Variants in HUWE1 observed in about 807,000 individuals in gnomAD.
HUWE1 encodes the protein E3 ubiquitin-protein ligase HUWE1.
Under a neutral mutation model 299.4 loss-of-function variants are expected in HUWE1, and 18 were observed. That is an observed-to-expected ratio of 0.06 (90% confidence interval 0.04 to 0.09). The LOEUF is 0.09. Among genes scored for constraint, HUWE1 ranks in the 10% least tolerant of loss-of-function variants. HUWE1 has a pLI of 1.00. For synonymous variants in HUWE1, 1,317 were observed against 1,286.1 expected, an observed-to-expected ratio of 1.02 and a Z score of -0.51; for missense variants, 1,832 against 3,462.3, an observed-to-expected ratio of 0.53 and a Z score of 11.82.
rs1006214267 is a variant in HUWE1 at position 53,632,167 on chromosome X, G to A, written c.645+320C>T. The A allele has an allele frequency of 5.1e-4, 170 of 335,887 alleles. 1 individual carries two copies. Among genetic ancestry groups the A allele is most frequent in the South Asian group, 2.0e-4 (6 of 29,299 alleles). The allele number at this position is 335,887 out of a possible 1,213,427, so 27.7% of individuals were successfully genotyped here. ...GACTTTTGCAGGCTTCCTAATTAGAGAAACCTGAGCCATCACCATCCAAAC... is the reference window on the plus strand; with the variant it reads ...GACTTTTGCAGGCTTCCTAATTAGAAAAACCTGAGCCATCACCATCCAAAC... On this transcript the variant is annotated intron_variant, in intron 9 of 83. Coordinates refer to ENST00000262854, the MANE Select transcript of HUWE1 (RefSeq NM_031407.7).
intron 19 of HUWE1, among the ~76,000 whole-genome samples, chrX:53,621,467 C>T (rs1603150801): frequency 9.3e-6 from 1 of 107,675 alleles, no homozygotes; most frequent in East Asian, 2.9e-4. Flanking sequence ...CAAGTGCGAG[C>T]CTAGGGCTTC....
chrX:53,541,317 G>A (rs190551373), intron 74 of HUWE1, among the ~76,000 whole-genome samples: 33 of 112,164 alleles, frequency 2.9e-4, no homozygotes, highest in African/African-American at 1.0e-3. Flanking sequence ...CTGGTCGGCC[G>A]TGGCTCATGC....
intron 74 of HUWE1, among the ~76,000 whole-genome samples, chrX:53,542,026 T>C (rs2061366492): frequency 9.1e-6 from 1 of 109,975 alleles, no homozygotes; most frequent in Non-Finnish European, 1.9e-5. Context: ...CTAAAAAAAA[T>C]ACAAAAACTA....
At chrX:53,610,905 G>A (rs928102689) in intron 23 of HUWE1, among the ~76,000 whole-genome samples, 1 of 111,414 alleles carries the variant, frequency 9.0e-6, no homozygotes, top group African/African-American at 3.3e-5. Context: ...AAAGTGAACC[G>A]TGATGCACCA....
chrX:53,672,415 C>T (rs2069598649), intron 3 of HUWE1, among the ~76,000 whole-genome samples: 1 of 109,150 alleles, frequency 9.2e-6, no homozygotes, highest in South Asian at 4.0e-4. Flanking sequence ...GGTGCCACCA[C>T]ACCCAGCTAA....
At chrX:53,616,593 G>A (rs1557007607) in intron 21 of HUWE1, among the ~76,000 whole-genome samples, 3 of 111,164 alleles carry the variant, frequency 2.7e-5, no homozygotes, top group Non-Finnish European at 5.7e-5. Context: ...CAAGTATACT[G>A]AGTAAAAAAA....
intron 74 of HUWE1, among the ~76,000 whole-genome samples, chrX:53,541,525 C>T (rs1299984931): frequency 3.6e-5 from 4 of 111,275 alleles, no homozygotes; most frequent in Admixed American, 9.5e-5. Context: ...ATCCAGGAGG[C>T]GGAGGTTGCA....
chrX:53,636,790 T>C (rs1478347982), intron 7 of HUWE1, among the ~76,000 whole-genome samples: 2 of 111,849 alleles, frequency 1.8e-5, no homozygotes, highest in Non-Finnish European at 3.8e-5. Flanking sequence ...TGTAGCATTA[T>C]TTACCACAGA....
Position 53,573,268 on chromosome X carries a change from G to T in HUWE1, c.6312+482C>A, listed in dbSNP as rs138984937. 7.2e-5 allele frequency among the ~76,000 whole-genome samples: 8 copies of T among 111,119 alleles called. No individual in the cohort carries two copies. In the South Asian group the frequency reaches 3.1e-3, roughly 43 times the overall value. On this transcript the variant is annotated intron_variant, in intron 47 of 83. Transcript: ENST00000262854. Reference sequence around the variant, plus strand: ...CAGGTTTTTTTTGAGACAGAGTTTTGCTCTTATCACCCAGGCAGGTGTACG... The same window carrying T: ...CAGGTTTTTTTTGAGACAGAGTTTTTCTCTTATCACCCAGGCAGGTGTACG...
chrX:53,654,481 G>A (rs1363768707), intron 3 of HUWE1, among the ~76,000 whole-genome samples: 6 of 111,318 alleles, frequency 5.4e-5, no homozygotes. Flanking sequence ...TAGCCCTGCA[G>A]TTCCCTGATA....
In HUWE1 at chrX:53,589,551, T is replaced by C; in HGVS notation, c.4457A>G (p.Asn1486Ser). 2.5e-6 allele frequency: 3 copies of C among 1,211,350 alleles called. No individual in the cohort carries two copies. Among genetic ancestry groups the C allele is most frequent in the Non-Finnish European group, 3.4e-6 (3 of 895,012 alleles). ...YRDMILKQVVNQVWEAADVLI... is the reference protein window; with the variant it reads ...YRDMILKQVVSQVWEAADVLI... ...TCTGACCCCTTGAGAGCTCACCTGA[T>C]TGACTACTTGCTTCAGAATCATGTC... Residue 1486 changes from asparagine to serine, a missense_variant, in exon 36 of 84, where the codon AAT (asparagine) becomes AGT (serine). Coordinates refer to ENST00000262854, the MANE Select transcript of HUWE1 (RefSeq NM_031407.7).
intron 27 of HUWE1, among the ~76,000 whole-genome samples, 183 bp from the exon 28 acceptor site, chrX:53,602,841 T>G (rs1481346646): frequency 9.2e-6 from 1 of 108,651 alleles, no homozygotes; most frequent in African/African-American, 3.4e-5. Context: ...AGCTTTCCAA[T>G]TCTTTTTTTT....
intron 3 of HUWE1, among the ~76,000 whole-genome samples, chrX:53,676,298 A>G (rs980898082): frequency 9.0e-6 from 1 of 111,325 alleles, no homozygotes; most frequent in Non-Finnish European, 1.9e-5. Context: ...CCCCCACATC[A>G]TAACTGATAT....
At chrX:53,629,491 G>C in intron 13 of HUWE1, 25 bp downstream of exon 13, 2 of 1,000,050 alleles carry the variant, frequency 2.0e-6, no homozygotes, top group South Asian at 3.8e-5. Flanking sequence ...ACAGCTAAGG[G>C]TTACTCAACC....
intron 2 of HUWE1, among the ~76,000 whole-genome samples, chrX:53,681,009 A>G (rs1376925980): frequency 9.0e-6 from 1 of 111,593 alleles, no homozygotes; most frequent in Non-Finnish European, 1.9e-5. Context: ...AAATCCTAGT[A>G]AACTTTTCAC....
intron 4 of HUWE1, among the ~76,000 whole-genome samples, chrX:53,653,390 G>A (rs1185001126): frequency 4.5e-5 from 5 of 111,537 alleles, no homozygotes; most frequent in Non-Finnish European, 9.4e-5. Flanking sequence ...AGCCACAAAA[G>A]TCTGGTAAGA....
At chrX:53,658,663 C>T (rs2068859838) in intron 3 of HUWE1, among the ~76,000 whole-genome samples, 1 of 109,247 alleles carries the variant, frequency 9.2e-6, no homozygotes, top group Admixed American at 9.7e-5. Context: ...TACATACATG[C>T]GAAAAAAAAA....
intron 70 of HUWE1, 40 bp from the exon 71 acceptor site, chrX:53,545,201 C>G: frequency 1.7e-6 from 2 of 1,194,059 alleles, no homozygotes; most frequent in Non-Finnish European, 1.1e-6. Flanking sequence ...CAGAGACTCC[C>G]CTGGTAAAGT....
Position 53,577,004 on chromosome X carries a change from G to T in HUWE1, c.5780C>A (p.Thr1927Asn). Residue 1927 changes from threonine (T) to asparagine (N), a missense_variant, in exon 44 of 84, where the codon ACC becomes AAC. Around this residue, in one of 15 missense-constraint regions of HUWE1, gnomAD observed 47 missense variants for 45.8 expected, o/e 1.03. Transcript: ENST00000262854. Reference protein sequence around the residue: ...KGPNAVQLVKTTPLKPSPLPV... With the variant: ...KGPNAVQLVKNTPLKPSPLPV... ...CAGAGGTGAGGGCTTCAAAGGGGTG[G>T]TCTTCACCAGCTGTACAGCATTAGG... 8.3e-7 allele frequency: 1 copy of T among 1,206,269 alleles called. No homozygotes were observed. The highest frequency in any genetic ancestry group is 1.1e-6 in the Non-Finnish European group (1 of 890,694).
Sources: allele counts gnomAD v4.1 joint callset (sites outside exome capture counted in the v4.1 genomes callset), GRCh38; gene constraint gnomAD v4.1.1; regional missense constraint gnomAD v4.1.1; transcripts MANE v1.5; gene names NCBI Gene and HGNC (gene_info 2026-07-23, HGNC 2026-07-21).